The following CEP85L variants were observed in gnomAD, a reference collection of about 807,000 sequenced individuals.
CEP85L encodes centrosomal protein of 85 kDa-like.
In CEP85L, 60 loss-of-function variants were observed where a neutral mutation model predicts 100.3. The observed-to-expected ratio is 0.60, with a 90% CI of 0.49 to 0.74. The LOEUF (loss-of-function observed/expected upper bound fraction) is 0.74, where lower values mean the gene tolerates loss of function less well. CEP85L is among the 30% of genes least tolerant of loss of function. The pLI is 0.00. For synonymous variants in CEP85L, 319 were observed against 322.7 expected (o/e 0.99, Z 0.12); for missense variants, 973 against 936.2 (o/e 1.04, Z -0.51).
At chr6:118,641,828 G>A (rs1289488781) in intron 1 of CEP85L, among the ~76,000 whole-genome samples, 2 of 149,594 alleles carry the variant, frequency 1.3e-5, no homozygotes, top group Non-Finnish European at 1.5e-5. Context: ...TTTTGCAAGA[G>A]AAAAAAAAAA....
chr6:118,629,384 A>C (rs997864225), intron 2 of CEP85L, among the ~76,000 whole-genome samples: 7 of 152,246 alleles, frequency 4.6e-5, no homozygotes, highest in African/African-American at 1.7e-4. Flanking sequence ...ACCTTTACAG[A>C]GACCTCATCA....
chr6:118,674,318 G>T (rs1776410875), intron 1 of CEP85L, among the ~76,000 whole-genome samples: 2 of 152,196 alleles, frequency 1.3e-5, no homozygotes, highest in African/African-American at 4.8e-5. Context: ...AAGATCAGGA[G>T]TTCGAGACCA....
chr6:118,612,009 TC>T (rs1362199427), intron 2 of CEP85L, among the ~76,000 whole-genome samples: 1 of 151,938 alleles, frequency 6.6e-6, no homozygotes, highest in Admixed American at 6.5e-5. Flanking sequence ...TATAGGACAC[TC>T]CCCCACTACA....
At chr6:118,597,413 T>C (rs1322278887) in intron 2 of CEP85L, among the ~76,000 whole-genome samples, 1 of 152,120 alleles carries the variant, frequency 6.6e-6, no homozygotes, top group East Asian at 1.9e-4. Context: ...TAAAAAATTG[T>C]TGGGGAAAAA....
chr6:118,537,755 C>A lies in CEP85L; in HGVS notation c.1021-13835G>T, dbSNP rs1326596774. On this transcript the variant is annotated intron_variant, in intron 3 of 12. Coordinates refer to ENST00000368491, the MANE Select transcript of CEP85L (RefSeq NM_001042475.3). ...ACTGTTAAATTTAGATAATCCAGTG[C>A]TACCACACTTGACTGGAATACAACC... 3.0e-6 allele frequency: 3 copies of A among 985,214 alleles called. No individual in the cohort carries two copies. In the Admixed American group the frequency reaches 1.8e-4, roughly 61 times the overall value. 61.0% of individuals were successfully genotyped at this position (985,214 alleles called of 1,614,324 possible).
At chr6:118,488,179 G>T (rs1774317355) in intron 6 of CEP85L, among the ~76,000 whole-genome samples, 2 of 151,798 alleles carry the variant, frequency 1.3e-5, no homozygotes, top group Admixed American at 6.6e-5. Context: ...TTAACACACA[G>T]GGAAATATGT....
chr6:118,476,065 C>G (rs990680216), intron 10 of CEP85L, among the ~76,000 whole-genome samples: 4 of 152,094 alleles, frequency 2.6e-5, no homozygotes. Context: ...GGTGACTATT[C>G]GCAGCGCTAA....
intron 2 of CEP85L, among the ~76,000 whole-genome samples, chr6:118,579,882 G>C (rs1780467926): frequency 6.6e-6 from 1 of 152,180 alleles, no homozygotes; most frequent in Non-Finnish European, 1.5e-5. Flanking sequence ...TTAGAAACTG[G>C]GTCCACTCAA....
intron 1 of CEP85L, among the ~76,000 whole-genome samples, chr6:118,638,536 A>T (rs1774662017): frequency 6.7e-6 from 1 of 149,956 alleles, no homozygotes; most frequent in Non-Finnish European, 1.5e-5. Flanking sequence ...TTACAAGACT[A>T]TGTTACTGAA....
chr6:118,656,734 C>A (rs1182990326), upstream of CEP85L: 3 of 152,080 alleles, frequency 2.0e-5, no homozygotes, highest in Non-Finnish European at 4.4e-5. Flanking sequence ...ATTGGGATGT[C>A]CATCATCTTA....
chr6:118,600,341 G>GTGTGTGTGTGTGTGTGTGTGTGTT (rs1781706043), intron 2 of CEP85L, among the ~76,000 whole-genome samples: 5 of 134,244 alleles, frequency 3.7e-5, no homozygotes, highest in African/African-American at 1.4e-4. Flanking sequence ...GTGTGTGTGT[G>GTGTGTGTGTGTGTGTGTGTGTGTT]TGTGTGTGTG....
chr6:118,592,705 A>C (rs1182302454), intron 2 of CEP85L, among the ~76,000 whole-genome samples: 2 of 152,160 alleles, frequency 1.3e-5, no homozygotes, highest in African/African-American at 4.8e-5. Context: ...TAAATGAAAA[A>C]TTTATGCAAA....
At position 118,559,233 on chromosome 6, in the gene CEP85L, T is replaced by C. The variant is rs1481059075; in HGVS notation, c.1020+6296A>G. On this transcript the variant is annotated intron_variant, in intron 3 of 12. Transcript: ENST00000368491. Reference sequence around the variant, plus strand: ...TCAAGATTAAGACTAAAACTTATTGTTACCATATGTATTCATCTGTTGGAT... The same window carrying C: ...TCAAGATTAAGACTAAAACTTATTGCTACCATATGTATTCATCTGTTGGAT... 5.5e-6 allele frequency: 4 copies of C among 728,926 alleles called. No homozygotes were observed. The East Asian group carries it at 1.0e-4, about 18-fold the overall frequency. 45.2% of individuals were successfully genotyped at this position (728,926 alleles called of 1,614,324 possible).
upstream of CEP85L, among the ~76,000 whole-genome samples, chr6:118,653,972 A>G (rs17348394): frequency 2.4e-4 from 37 of 152,370 alleles, no homozygotes; most frequent in East Asian, 5.2e-3. Context: ...TAAGTGTTGC[A>G]TTTATAATTC....
In CEP85L at chr6:118,463,893, TATTTA is replaced by T. The variant is rs1277744500; in HGVS notation, c.*1507_*1511del. 1 of 152,180 alleles carries T rather than the reference TATTTA, an allele frequency of 6.6e-6. No homozygotes were observed. Among genetic ancestry groups the T allele is most frequent in the Non-Finnish European group, 1.5e-5 (1 of 68,000 alleles). The allele number at this position is 152,180 out of a possible 1,614,324, so 9.4% of individuals were successfully genotyped here. On this transcript the variant is annotated 3_prime_UTR_variant, in exon 13 of 13. Transcript: ENST00000368491. ...CTTGTCTCACATTTTCACTTTTAAA[TATTTA>T]AGAAAAATCTTTCCTAGGAGAGCCT... is the stretch of plus-strand genomic sequence containing the variant.
intron 4 of CEP85L, among the ~76,000 whole-genome samples, chr6:118,515,002 A>C (rs1296528520): frequency 6.6e-6 from 1 of 151,510 alleles, no homozygotes; most frequent in Non-Finnish European, 1.5e-5. Flanking sequence ...GTGAAGGTGA[A>C]ATCTCACTAT....
At chr6:118,554,089 A>G (rs767670455) in intron 3 of CEP85L, among the ~76,000 whole-genome samples, 3 of 152,100 alleles carry the variant, frequency 2.0e-5, no homozygotes, top group Non-Finnish European at 2.9e-5. Context: ...GGAGTTTGAG[A>G]CCAGCCTGTG....
intron 5 of CEP85L, among the ~76,000 whole-genome samples, chr6:118,505,041 C>T (rs1482976359): frequency 6.6e-6 from 1 of 152,032 alleles, no homozygotes; most frequent in Non-Finnish European, 1.5e-5. Context: ...GAAGGCTGTG[C>T]ATGTGTGGGG....
At chr6:118,543,596 G>A (rs187314365) in intron 3 of CEP85L, among the ~76,000 whole-genome samples, 1 of 152,236 alleles carries the variant, frequency 6.6e-6, no homozygotes, top group East Asian at 1.9e-4. Context: ...TTAAGAACAA[G>A]CAAAACAGGG....
Sources: gnomAD v4.1 joint callset for allele counts (sites outside exome capture counted in the v4.1 genomes callset) on GRCh38, gnomAD v4.1.1 for gene constraint, MANE v1.5 for transcripts, NCBI Gene and HGNC (gene_info 2026-07-23, HGNC 2026-07-21) for gene names.